Variants in TMTC3 observed in about 807,000 individuals in gnomAD.
TMTC3 encodes the protein transmembrane O-mannosyltransferase targeting cadherins 3, also known as protein O-mannosyl-transferase TMTC3.
In TMTC3, 52 loss-of-function variants were observed where a neutral mutation model predicts 92.2. The observed-to-expected ratio is 0.56, with a 90% confidence interval of 0.45 to 0.71. The LOEUF (loss-of-function observed/expected upper bound fraction) is 0.71. Ranked by LOEUF, TMTC3 falls within the 30% of genes least tolerant of loss-of-function variation. The pLI, the probability that TMTC3 is intolerant of heterozygous loss-of-function variation, is 0.00. For synonymous variants in TMTC3, 339 were observed against 363.3 expected, an observed-to-expected ratio of 0.93 and a Z score of 0.76; for missense variants, 896 against 1,057.1, an observed-to-expected ratio of 0.85 and a Z score of 2.11.
chr12:88,183,201 G>A (rs1483214912), intron 10 of TMTC3, among the ~76,000 whole-genome samples: 1 of 152,090 alleles, frequency 6.6e-6, no homozygotes, highest in Non-Finnish European at 1.5e-5. Flanking sequence ...ACCCAAATAG[G>A]ATTTTGAGAG....
chr12:88,179,409 A>G (rs779985073), intron 10 of TMTC3, among the ~76,000 whole-genome samples: 5 of 152,198 alleles, frequency 3.3e-5, no homozygotes, highest in African/African-American at 9.7e-5. Flanking sequence ...TAAGTTTTCT[A>G]TCTATAAATT....
In TMTC3 at chr12:88,197,286, G is replaced by A. The variant is rs1481140330; in HGVS notation, c.*1637G>A. ...TTTTTTTTTTTTTTTTTTTTTTTTA[G>A]GTAGTTTAAAGCAAGCACTGATACC... is the stretch of plus-strand genomic sequence containing the variant. On this transcript the variant is annotated 3_prime_UTR_variant, in exon 14 of 14. Coordinates refer to ENST00000266712, the MANE Select transcript of TMTC3 (RefSeq NM_181783.4). The A allele has an allele frequency of 1.8e-5, 2 of 112,456 alleles. No homozygotes were observed. Among genetic ancestry groups the A allele is most frequent in the African/African-American group, 8.0e-5 (2 of 25,044 alleles). The allele number at this position is 112,456 out of a possible 1,614,324, so 7.0% of individuals were successfully genotyped here.
intron 3 of TMTC3, among the ~76,000 whole-genome samples, chr12:88,153,722 T>A (rs936234844): frequency 6.6e-6 from 1 of 152,114 alleles, no homozygotes; most frequent in Admixed American, 6.5e-5. Flanking sequence ...TTTAACATTT[T>A]TGAAACATAA....
At chr12:88,153,050 G>T (rs1160585322) in intron 2 of TMTC3, among the ~76,000 whole-genome samples, 1 of 152,116 alleles carries the variant, frequency 6.6e-6, no homozygotes, top group East Asian at 1.9e-4. Context: ...TTTACTGTTA[G>T]TTCTCTGACC....
intron 1 of TMTC3, among the ~76,000 whole-genome samples, chr12:88,145,271 T>C (rs1027478564): frequency 2.0e-5 from 3 of 152,206 alleles, no homozygotes; most frequent in Non-Finnish European, 2.9e-5. Flanking sequence ...AATGGCTTAA[T>C]TCACACTGAC....
chr12:88,182,434 C>T (rs75408037), intron 10 of TMTC3, among the ~76,000 whole-genome samples: 6,074 of 152,206 alleles, frequency 0.04, 410 homozygotes, highest in African/African-American at 0.14. Flanking sequence ...AGTAGTTATG[C>T]CCAAGATGGG....
chr12:88,179,138 T>C (rs1426345120), intron 10 of TMTC3, among the ~76,000 whole-genome samples: 2 of 152,238 alleles, frequency 1.3e-5, no homozygotes, highest in Admixed American at 1.3e-4. Flanking sequence ...GTTTATTATA[T>C]TATGAATAAA....
At chr12:88,179,792 G>A (rs1278957703) in intron 10 of TMTC3, among the ~76,000 whole-genome samples, 1 of 152,038 alleles carries the variant, frequency 6.6e-6, no homozygotes. Context: ...ACAATTTGTG[G>A]GTAATAAACA....
chr12:88,166,994 T>TA (rs1202831708), intron 7 of TMTC3, among the ~76,000 whole-genome samples: 1 of 5,604 alleles, frequency 1.8e-4, no homozygotes, highest in Non-Finnish European at 2.5e-3. Flanking sequence ...TTTGAACAGT[T>TA]TTTTTTTTTT....
intron 13 of TMTC3, among the ~76,000 whole-genome samples, chr12:88,193,992 G>T (rs2041474443): frequency 6.6e-6 from 1 of 152,016 alleles, no homozygotes; most frequent in African/African-American, 2.4e-5. Flanking sequence ...AGGCCAGGGT[G>T]GGGAGGATCA....
intron 6 of TMTC3, among the ~76,000 whole-genome samples, chr12:88,162,082 T>C (rs555701455): frequency 2.0e-5 from 3 of 152,154 alleles, no homozygotes; most frequent in Non-Finnish European, 2.9e-5. Flanking sequence ...ATTAAAAATA[T>C]CAGGTTTTGA....
At chr12:88,166,888 T>G (rs1004550855) in intron 7 of TMTC3, among the ~76,000 whole-genome samples, 3 of 152,058 alleles carry the variant, frequency 2.0e-5, no homozygotes, top group Non-Finnish European at 2.9e-5. Context: ...ATATAAGATA[T>G]ACAACTAGAA....
chr12:88,163,443 G>T (rs1443818704), intron 6 of TMTC3, among the ~76,000 whole-genome samples: 4 of 152,134 alleles, frequency 2.6e-5, no homozygotes, highest in Non-Finnish European at 5.9e-5. Context: ...TTTTCTGAAG[G>T]CTGCTGTAAC....
intron 10 of TMTC3, among the ~76,000 whole-genome samples, chr12:88,184,093 C>A (rs2041348839): frequency 6.6e-6 from 1 of 152,140 alleles, no homozygotes; most frequent in African/African-American, 2.4e-5. Context: ...TACACTGACA[C>A]AGGAATTTTG....
intron 7 of TMTC3, 83 bp downstream of exon 7, chr12:88,166,665 C>T: frequency 7.0e-7 from 1 of 1,423,450 alleles, no homozygotes; most frequent in Non-Finnish European, 9.4e-7. Context: ...GCAAAAGCAT[C>T]TTTTTAGAAG....
At position 88,195,617 on chromosome 12, in the gene TMTC3, G is replaced by A; in HGVS notation, c.2713G>A (p.Glu905Lys). The change falls in exon 14 of 14, where the codon GAA becomes AAA. Residue 905 changes from glutamate (E) to lysine (K), a missense_variant. Glu to Lys is a moderately conservative substitution (Grantham distance 56). Transcript: ENST00000266712. ...AAGAGTTGCTGCTTTAAAAAGACTAGAAGAGATTGAACGTATTTTAAATGG... is the reference window on the plus strand; with the variant it reads ...AAGAGTTGCTGCTTTAAAAAGACTAAAAGAGATTGAACGTATTTTAAATGG... ...KKRVAALKRL[E>K]EIERILNGE 6.3e-7 allele frequency: 1 copy of A among 1,596,746 alleles called. No individual in the cohort carries two copies. Among genetic ancestry groups the A allele is most frequent in the South Asian group, 1.2e-5 (1 of 86,610 alleles).
chr12:88,153,456 A>AC lies in TMTC3; in HGVS notation c.355_356insC (p.Ser119ThrfsTer2), dbSNP rs2040968198. The stretch of plus-strand genomic sequence containing the variant: ...ATGCAAACTTTTTCTGGACAACAAG[A>AC]GTAGTGTGATTGCTTCTTTACTTTT... On this transcript the variant is annotated frameshift_variant, in exon 3 of 14. Coordinates refer to ENST00000266712, the MANE Select transcript of TMTC3 (RefSeq NM_181783.4). LOFTEE classifies it high-confidence loss of function. 1 of 1,613,490 alleles carries AC rather than the reference A, an allele frequency of 6.2e-7. No individual in the cohort carries two copies. The highest frequency in any genetic ancestry group is 8.5e-7 in the Non-Finnish European group (1 of 1,179,762).
At chr12:88,172,191 A>G (rs1478428225) in intron 7 of TMTC3, among the ~76,000 whole-genome samples, 6 of 152,076 alleles carry the variant, frequency 3.9e-5, no homozygotes, top group Non-Finnish European at 5.9e-5. Context: ...TTACTATGCA[A>G]GCATATTCTT....
chr12:88,164,494 T>C lies in TMTC3; in HGVS notation c.798-1836T>C, dbSNP rs1026332510. On this transcript the variant is annotated intron_variant, in intron 6 of 13. Coordinates refer to ENST00000266712, the MANE Select transcript of TMTC3 (RefSeq NM_181783.4). ...CAGGTATTACAGTCCTTTTTCACCT[T>C]ATGCTCAGTATGTTTAAAAAAAAAT... 4.6e-5 allele frequency among the ~76,000 whole-genome samples: 7 copies of C among 152,292 alleles called. No individual in the cohort carries two copies. The South Asian group carries it at 1.4e-3, about 32-fold the overall frequency.
Sources: allele counts gnomAD v4.1 joint callset (sites outside exome capture counted in the v4.1 genomes callset), GRCh38; gene constraint gnomAD v4.1.1; transcripts MANE v1.5; gene names NCBI Gene and HGNC (gene_info 2026-07-23, HGNC 2026-07-21).